The following LRRC61 variants were observed in gnomAD, a reference collection of about 807,000 sequenced individuals.
LRRC61 encodes the protein leucine-rich repeat-containing protein 61.
LRRC61 carries 9 observed loss-of-function variants against 15.1 expected under a neutral mutation model. The observed-to-expected ratio is 0.60, with a 90% confidence interval of 0.36 to 1.04. The LOEUF (loss-of-function observed/expected upper bound fraction) is 1.04. LRRC61 is among the 50% of genes least tolerant of loss of function. The pLI, the probability that LRRC61 is intolerant of heterozygous loss-of-function variation, is 0.01. For synonymous variants in LRRC61, 173 were observed against 158.6 expected (o/e 1.09, Z -0.68); for missense variants, 344 against 335.6 (o/e 1.03, Z -0.20).
At position 150,330,633 on chromosome 7, in the gene LRRC61, C is replaced by A; in HGVS notation, c.-145+4623C>A. ...CGAGGAGTTTGTGCTGGCCACCTTG[C>A]TGGACCCTTGCTTCAAGGGGAAGAT... On this transcript the variant is annotated intron_variant, in intron 2 of 2. Transcript: ENST00000359623. The surrounding 1 kb of genome is among the most constrained non-coding windows in gnomAD (Gnocchi z 4.6). The A allele has an allele frequency of 1.1e-6, 1 of 934,956 alleles. No homozygotes were observed. Among genetic ancestry groups the A allele is most frequent in the Non-Finnish European group, 1.8e-6 (1 of 559,274 alleles). 57.9% of individuals were successfully genotyped at this position (934,956 alleles called of 1,614,324 possible).
In LRRC61 at chr7:150,334,063, G is replaced by A. The variant is rs116693855; in HGVS notation, c.-144-2655G>A. ...TGTCCCGGTGGGGTCTTTCTGCTCC[G>A]TTTCCTCTTCTGTAAACCATGTTCC... On this transcript the variant is annotated intron_variant, in intron 2 of 2. Coordinates refer to ENST00000359623, the MANE Select transcript of LRRC61 (RefSeq NM_001142928.2). 2.3e-4 allele frequency: 227 copies of A among 985,360 alleles called. No individual in the cohort carries two copies. The African/African-American group carries it at 3.6e-3, about 16-fold the overall frequency. The allele number at this position is 985,360 out of a possible 1,614,324, so 61.0% of individuals were successfully genotyped here.
the LRRC61 span, among the ~76,000 whole-genome samples, chr7:150,312,171 T>C: frequency 2.6e-5 from 4 of 152,220 alleles, no homozygotes; most frequent in African/African-American, 9.7e-5. Flanking sequence ...AGAAGGCCAG[T>C]ATTTTTCTTT....
the LRRC61 span, among the ~76,000 whole-genome samples, chr7:150,311,898 T>C: frequency 6.6e-6 from 1 of 152,190 alleles, no homozygotes; most frequent in Non-Finnish European, 1.5e-5. Context: ...TGACTCCAAA[T>C]ATGCTTTCCA....
the LRRC61 span, among the ~76,000 whole-genome samples, chr7:150,317,261 G>A: frequency 6.6e-6 from 1 of 152,078 alleles, no homozygotes; most frequent in Admixed American, 6.6e-5. Flanking sequence ...TGTTGGCCAG[G>A]CTGGTCTCGA....
intron 1 of LRRC61, among the ~76,000 whole-genome samples, 190 bp from the exon 2 acceptor site, chr7:150,325,651 T>C (rs574039450): frequency 5.9e-5 from 9 of 152,268 alleles, no homozygotes; most frequent in Non-Finnish European, 8.8e-5. Context: ...GTATTTTTTT[T>C]GTAAAGACAA....
chr7:150,324,344 TA>T (rs1797859779), intron 1 of LRRC61: 2 of 152,466 alleles, frequency 1.3e-5, no homozygotes, highest in Non-Finnish European at 2.9e-5. Flanking sequence ...GGTGGGGTTC[TA>T]CTTCTCTTGC....
At chr7:150,316,121 C>T in the LRRC61 span, among the ~76,000 whole-genome samples, 49 of 152,238 alleles carry the variant, frequency 3.2e-4, no homozygotes, top group Non-Finnish European at 5.6e-4. Flanking sequence ...TGCCTGAACC[C>T]GGGAGGTGGA....
At chr7:150,336,258 A>G (rs138454695) in intron 2 of LRRC61, among the ~76,000 whole-genome samples, 1 of 152,238 alleles carries the variant, frequency 6.6e-6, no homozygotes. Flanking sequence ...TGAATCAAAC[A>G]AGGCACATGT....
the LRRC61 span, among the ~76,000 whole-genome samples, chr7:150,315,963 C>T: frequency 6.6e-6 from 1 of 152,144 alleles, no homozygotes; most frequent in African/African-American, 2.4e-5. Context: ...TTCGGGAGGC[C>T]GAGGCGGGTG....
Position 150,330,801 on chromosome 7 carries a change from C to A in LRRC61, c.-145+4791C>A. On this transcript the variant is annotated intron_variant, in intron 2 of 2. Transcript: ENST00000359623. This position sits in a 1 kb window ranked among gnomAD's most constrained non-coding sequence, Gnocchi z 4.6. Reference sequence around the variant, plus strand: ...AAGCCCCAGGGGTCTGTGCGTGGACCCCACCAGGGTAGCCAAGAGCTCCGG... The same window carrying A: ...AAGCCCCAGGGGTCTGTGCGTGGACACCACCAGGGTAGCCAAGAGCTCCGG... 1 of 1,612,530 alleles carries A rather than the reference C, an allele frequency of 6.2e-7. No individual in the cohort carries two copies. Among genetic ancestry groups the A allele is most frequent in the South Asian group, 1.1e-5 (1 of 91,056 alleles).
chr7:150,323,404 T>G lies in LRRC61; in HGVS notation c.-471T>G. On this transcript the variant is annotated 5_prime_UTR_variant, in exon 1 of 3. Transcript: ENST00000359623. ...GAAGCACGCTGGCCAACAAGTTGGG[T>G]GGTGGGCACGCGGCCCAGGGGTCAG... 3 of 303,850 alleles carry G rather than the reference T, an allele frequency of 9.9e-6. No homozygotes were observed. Among genetic ancestry groups the G allele is most frequent in the South Asian group, 7.2e-5 (3 of 41,884 alleles). The allele number at this position is 303,850 out of a possible 1,614,324, so 18.8% of individuals were successfully genotyped here.
Position 150,333,583 on chromosome 7 carries a change from C to T in LRRC61, c.-144-3135C>T, listed in dbSNP as rs372517464. ...CCTCATTTCCCAGGCAGAAGACACT[C>T]ACCAACGCCTGGGACCATCTTCCCT... On this transcript the variant is annotated intron_variant, in intron 2 of 2. Coordinates refer to ENST00000359623, the MANE Select transcript of LRRC61 (RefSeq NM_001142928.2). The surrounding 1 kb of genome is among the most constrained non-coding windows in gnomAD (Gnocchi z 4.3). Among the ~76,000 whole-genome samples, 33 of 152,346 alleles carry T rather than the reference C, an allele frequency of 2.2e-4. No individual in the cohort carries two copies. Among genetic ancestry groups the T allele is most frequent in the Admixed American group, 5.2e-4 (8 of 15,308 alleles).
chr7:150,323,315 C>G, upstream of LRRC61: 3 of 262,674 alleles, frequency 1.1e-5, no homozygotes, highest in South Asian at 9.4e-5. Flanking sequence ...TCCAGAGCGC[C>G]CACTACGGCC....
rs555304640 is a variant in LRRC61, at chr7:150,334,213, G to A, written c.-144-2505G>A. ...TCCTCAGGGCATTCACTTAACCTCT[G>A]CAGTCCCACTGTGGCCTCACCTGTG... On this transcript the variant is annotated intron_variant, in intron 2 of 2. Transcript: ENST00000359623. 3.6e-3 allele frequency: 2,531 copies of A among 704,602 alleles called. 7 individuals are homozygous for A. The highest frequency in any genetic ancestry group is 4.1e-3 in the Non-Finnish European group (2,364 of 573,728). 43.6% of individuals were successfully genotyped at this position (704,602 alleles called of 1,614,324 possible).
Position 150,337,781 on chromosome 7 carries a change from A to G in LRRC61, c.*140A>G. 1.1e-6 allele frequency: 1 copy of G among 900,136 alleles called. No individual in the cohort carries two copies. The highest frequency in any genetic ancestry group is 2.0e-5 in the South Asian group (1 of 50,702). The allele number at this position is 900,136 out of a possible 1,614,324, so 55.8% of individuals were successfully genotyped here. The stretch of plus-strand genomic sequence containing the variant: ...GCTATTGCTTTATCCCTATCCTGAG[A>G]GCAGCCCCTCCCCACCATCCCTCCA... On this transcript the variant is annotated 3_prime_UTR_variant, in exon 3 of 3. Transcript: ENST00000359623.
At chr7:150,320,632 G>A (rs1436551769), upstream of LRRC61, among the ~76,000 whole-genome samples, 1 of 152,046 alleles carries the variant, frequency 6.6e-6, no homozygotes, top group Non-Finnish European at 1.5e-5. Context: ...GTAAAGTGGC[G>A]CACATCTGTA....
At chr7:150,334,002 CTG>C (rs572771206) in intron 2 of LRRC61, 8 of 985,210 alleles carry the variant, frequency 8.1e-6, no homozygotes, top group Non-Finnish European at 9.6e-6. Flanking sequence ...TGGTGCAGGG[CTG>C]TGTGTTGGAG....
chr7:150,316,483 A>ATTTTTTTT, the LRRC61 span, among the ~76,000 whole-genome samples: 1 of 80,528 alleles, frequency 1.2e-5, no homozygotes, highest in Non-Finnish European at 2.7e-5. Context: ...GAATCTGGTT[A>ATTTTTTTT]TTTTTTTTTT....
chr7:150,336,392 A>T (rs1798292337), intron 2 of LRRC61, among the ~76,000 whole-genome samples: 1 of 152,220 alleles, frequency 6.6e-6, no homozygotes, highest in Non-Finnish European at 1.5e-5. Context: ...ACTAATAGGG[A>T]TGGATCGTGA....
Sources: gnomAD v4.1 joint callset for allele counts (sites outside exome capture counted in the v4.1 genomes callset) on GRCh38, gnomAD v4.1.1 for gene constraint, Gnocchi (gnomAD v3.1) non-coding constraint, MANE v1.5 for transcripts, NCBI Gene and HGNC (gene_info 2026-07-23, HGNC 2026-07-21) for gene names.